The following ESRRG variants were observed in gnomAD, a reference collection of about 807,000 sequenced individuals.
The protein encoded by ESRRG is estrogen-related receptor gamma.
Under a neutral mutation model 44.0 loss-of-function variants are expected in ESRRG, and 13 were observed. The ratio of observed to expected loss-of-function variants is 0.30; its 90% CI spans 0.19 to 0.47. The LOEUF is 0.47. ESRRG is among the 20% of genes least tolerant of loss of function. The pLI is 1.00. For synonymous variants in ESRRG, 215 were observed against 214.6 expected (o/e 1.00, Z -0.02); for missense variants, 395 against 580.6 (o/e 0.68, Z 3.29).
chr1:216,734,883 G>T (rs2089559713), intron 2 of ESRRG, among the ~76,000 whole-genome samples: 1 of 150,108 alleles, frequency 6.7e-6, no homozygotes, highest in Non-Finnish European at 1.5e-5. Context: ...AAAAAAGTTG[G>T]CTACTACATA....
Position 216,935,620 on chromosome 1 carries a change from A to AT in ESRRG, c.-14+3961dup, listed in dbSNP as rs368688184. On this transcript the variant is annotated intron_variant, in intron 2 of 7. Coordinates refer to the ESRRG transcript ENST00000359162. ...CAAATTGAAATCCCACAGTTTAGGA[A>AT]TTTTTTTTTTTTTGGAGATGGAGTC... is the stretch of plus-strand genomic sequence containing the variant. Among the ~76,000 whole-genome samples the AT allele has an allele frequency of 5.6e-3, 819 of 146,132 alleles. 4 individuals are homozygous for AT. The highest frequency in any genetic ancestry group is 0.022 in the East Asian group (108 of 4,948).
At chr1:216,910,277 TTC>T (rs918173144) in intron 2 of ESRRG, among the ~76,000 whole-genome samples, 1 of 152,004 alleles carries the variant, frequency 6.6e-6, no homozygotes, top group African/African-American at 2.4e-5. Context: ...TTGTGGGTTT[TTC>T]TCTCTCTCAC....
At chr1:216,952,136 T>G (rs1356141915) in intron 1 of ESRRG, among the ~76,000 whole-genome samples, 1 of 152,144 alleles carries the variant, frequency 6.6e-6, no homozygotes, top group Non-Finnish European at 1.5e-5. Flanking sequence ...CCACTGGTCT[T>G]TGAGTGGCAA....
chr1:216,596,701 T>C (rs991508970), intron 3 of ESRRG, among the ~76,000 whole-genome samples: 2 of 152,214 alleles, frequency 1.3e-5, no homozygotes, highest in South Asian at 2.1e-4. Flanking sequence ...ACCATTACAA[T>C]GCAGTCAATT....
rs142286755 is a variant in ESRRG, at chr1:217,106,166, T to C, written c.-230+31501A>G. On this transcript the variant is annotated intron_variant, in intron 1 of 8. Transcript: ENST00000366940. Reference sequence around the variant, plus strand: ...TGATGTCTTTAAATGCAGTAGTCTCTAAGTGATAGATTTCAAATAGTGTTT... The same window carrying C: ...TGATGTCTTTAAATGCAGTAGTCTCCAAGTGATAGATTTCAAATAGTGTTT... Among the ~76,000 whole-genome samples, 467 of 152,348 alleles carry C rather than the reference T, an allele frequency of 3.1e-3. 3 individuals are homozygous for C. The highest frequency in any genetic ancestry group is 9.9e-3 in the African/African-American group (411 of 41,586).
chr1:216,596,603 T>C (rs1029460507), intron 3 of ESRRG, among the ~76,000 whole-genome samples: 1 of 152,164 alleles, frequency 6.6e-6, no homozygotes, highest in Admixed American at 6.5e-5. Flanking sequence ...ATTAAACATT[T>C]GCATTCACTT....
intron 1 of ESRRG, among the ~76,000 whole-genome samples, chr1:217,068,808 AC>A (rs1446739380): frequency 6.6e-6 from 1 of 152,178 alleles, no homozygotes; most frequent in Non-Finnish European, 1.5e-5. Context: ...AAAAGCAATC[AC>A]TTTTTCCGCC....
chr1:216,883,237 T>C (rs1452224587), intron 2 of ESRRG, among the ~76,000 whole-genome samples: 2 of 151,604 alleles, frequency 1.3e-5, no homozygotes, highest in Non-Finnish European at 2.9e-5. Flanking sequence ...ACAAAAAAAA[T>C]TAGCCAGGCA....
At chr1:216,856,019 TTTG>T (rs1252925838) in intron 2 of ESRRG, among the ~76,000 whole-genome samples, 15 of 152,166 alleles carry the variant, frequency 9.9e-5, no homozygotes, top group Admixed American at 6.6e-5. Flanking sequence ...ATGTCTTCTT[TTTG>T]TTGTTATCAA....
At chr1:216,730,305 T>TAAAAAAAAAAAAAAAAAAA (rs11445965) in intron 2 of ESRRG, among the ~76,000 whole-genome samples, 1 of 121,424 alleles carries the variant, frequency 8.2e-6, no homozygotes, top group Non-Finnish European at 1.7e-5. Flanking sequence ...CTTAGAAAGG[T>TAAAAAAAAAAAAAAAAAAA]AAAAAAAAAA....
intron 1 of ESRRG, among the ~76,000 whole-genome samples, chr1:216,964,874 A>C (rs1448774448): frequency 6.6e-6 from 1 of 152,200 alleles, no homozygotes; most frequent in Non-Finnish European, 1.5e-5. Flanking sequence ...GAGGCCATGA[A>C]TCTTCATAGC....
chr1:216,915,045 T>A (rs2060967342), intron 2 of ESRRG, among the ~76,000 whole-genome samples: 1 of 152,178 alleles, frequency 6.6e-6, no homozygotes, highest in Admixed American at 6.5e-5. Context: ...TGCCAAAGTA[T>A]GTACACGATT....
At chr1:216,914,495 G>C (rs1047166538) in intron 2 of ESRRG, among the ~76,000 whole-genome samples, 1 of 151,972 alleles carries the variant, frequency 6.6e-6, no homozygotes, top group Non-Finnish European at 1.5e-5. Flanking sequence ...AAAATTTTCA[G>C]CATTTCTCAG....
At chr1:217,096,974 G>A (rs2092434245) in intron 1 of ESRRG, among the ~76,000 whole-genome samples, 1 of 152,174 alleles carries the variant, frequency 6.6e-6, no homozygotes, top group African/African-American at 2.4e-5. Context: ...CTTACTGCTA[G>A]GCTGTAGGCT....
intron 2 of ESRRG, among the ~76,000 whole-genome samples, chr1:216,851,861 G>A (rs2095847803): frequency 6.6e-6 from 1 of 152,042 alleles, no homozygotes; most frequent in Admixed American, 6.6e-5. Flanking sequence ...TGGTATTTAG[G>A]AAGAGTAGAA....
chr1:217,051,204 C>CGGCG lies in ESRRG; in HGVS notation c.-106+38302_-106+38303insCGCC, dbSNP rs1553259180. On this transcript the variant is annotated intron_variant, in intron 1 of 7. Coordinates refer to the ESRRG transcript ENST00000359162. Reference sequence around the variant, plus strand: ...GAGCAGAAGGAGTGGATAATGGGGGCGGGGGGGGGGGGTGCCAGGGGAATT... The same window carrying CGGCG: ...GAGCAGAAGGAGTGGATAATGGGGGCGGCGGGGGGGGGGGGGTGCCAGGGGAATT... 3.8e-3 allele frequency among the ~76,000 whole-genome samples: 126 copies of CGGCG among 33,582 alleles called. 7 individuals carry two copies. Among genetic ancestry groups the CGGCG allele is most frequent in the African/African-American group, 0.016 (122 of 7,628 alleles). The allele number at this position is 33,582 out of a possible 152,430, so 22.0% of individuals were successfully genotyped here.
At chr1:216,988,583 T>A (rs902447612) in intron 1 of ESRRG, among the ~76,000 whole-genome samples, 3 of 152,176 alleles carry the variant, frequency 2.0e-5, no homozygotes, top group Non-Finnish European at 4.4e-5. Flanking sequence ...ACCCTCAGAT[T>A]TACTGGGTTC....
At chr1:216,779,151 TA>T (rs2093730205) in intron 2 of ESRRG, among the ~76,000 whole-genome samples, 1 of 115,724 alleles carries the variant, frequency 8.6e-6, no homozygotes, top group African/African-American at 3.3e-5. Flanking sequence ...TATATTTATA[TA>T]TATATAAAAT....
At chr1:216,988,335 A>G (rs1416539) in intron 1 of ESRRG, among the ~76,000 whole-genome samples, 3,359 of 152,296 alleles carry the variant, frequency 0.022, 122 homozygotes, top group African/African-American at 0.075. Flanking sequence ...TTATCACTGT[A>G]GAAACTTTTT....
Sources: allele counts gnomAD v4.1 joint callset (sites outside exome capture counted in the v4.1 genomes callset), GRCh38; gene constraint gnomAD v4.1.1; transcripts MANE v1.5; gene names NCBI Gene and HGNC (gene_info 2026-07-23, HGNC 2026-07-21).